Variants in NFATC1 observed in about 807,000 individuals in gnomAD.
NFATC1 encodes nuclear factor of activated T cells 1, also known as nuclear factor of activated T-cells, cytoplasmic 1.
Under a neutral mutation model 76.0 loss-of-function variants are expected in NFATC1, and 22 were observed. The observed-to-expected ratio is 0.29, with a 90% CI of 0.21 to 0.41. NFATC1 has a LOEUF of 0.41. Ranked by LOEUF, NFATC1 falls within the 10% of genes least tolerant of loss-of-function variation. NFATC1 has a pLI of 1.00. For synonymous variants in NFATC1, 704 were observed against 613.1 expected (o/e 1.15, Z -2.19); for missense variants, 1,357 against 1,337.7 (o/e 1.01, Z -0.23).
chr18:79,411,582 C>T (rs888944399), intron 2 of NFATC1, 81 bp downstream of exon 2: 1,295 of 1,035,124 alleles, frequency 1.3e-3, no homozygotes, highest in Non-Finnish European at 1.5e-3. Flanking sequence ...GGACGGGGGG[C>T]GGCGCGGGGC....
intron 3 of NFATC1, among the ~76,000 whole-genome samples, chr18:79,442,793 G>C (rs112711361): frequency 6.6e-6 from 1 of 152,030 alleles, no homozygotes; most frequent in Admixed American, 6.5e-5. Flanking sequence ...GCCCCAGCCC[G>C]GAGCTCAGCT....
Position 79,425,293 on chromosome 18 carries a change from CTT to C in NFATC1, c.1227-8285_1227-8284del, listed in dbSNP as rs757396483. The stretch of plus-strand genomic sequence containing the variant: ...TCTCTCTCTCTGTCTGTCTTTCTTT[CTT>C]ACTCTCTTTCTCTTTTAACTAAGGG... On this transcript the variant is annotated intron_variant, in intron 2 of 9. Coordinates refer to ENST00000427363, the MANE Select transcript of NFATC1 (RefSeq NM_001278669.2). Among the ~76,000 whole-genome samples, 47 of 124,706 alleles carry C rather than the reference CTT, an allele frequency of 3.8e-4. 5 individuals are homozygous for C. The highest frequency in any genetic ancestry group is 4.8e-4 in the Non-Finnish European group (26 of 53,794). The allele number at this position is 124,706 out of a possible 152,430, so 81.8% of individuals were successfully genotyped here.
At chr18:79,444,529 T>G (rs1204849208) in intron 3 of NFATC1, among the ~76,000 whole-genome samples, 3 of 151,866 alleles carry the variant, frequency 2.0e-5, no homozygotes, top group Non-Finnish European at 4.4e-5. Context: ...TCAGGCCCTT[T>G]CCCGCATCTG....
chr18:79,401,598 C>G (rs922840553), intron 1 of NFATC1, among the ~76,000 whole-genome samples: 1 of 152,222 alleles, frequency 6.6e-6, no homozygotes. Context: ...CAGTCCTCCC[C>G]GGCTTGAGCC....
intron 2 of NFATC1, among the ~76,000 whole-genome samples, chr18:79,425,115 C>T (rs115438246): frequency 0.021 from 3,101 of 149,718 alleles, 106 homozygotes; most frequent in African/African-American, 0.059. Context: ...CTGTCTCTGT[C>T]GCTCTGTCTC....
intron 8 of NFATC1, among the ~76,000 whole-genome samples, chr18:79,472,693 G>C (rs1325676463): frequency 6.6e-6 from 1 of 152,094 alleles, no homozygotes; most frequent in Non-Finnish European, 1.5e-5. Context: ...CCTGAGCTCG[G>C]CTCTCACTGC....
At chr18:79,447,953 G>C (rs1266369178) in intron 3 of NFATC1, among the ~76,000 whole-genome samples, 1 of 152,236 alleles carries the variant, frequency 6.6e-6, no homozygotes, top group Non-Finnish European at 1.5e-5. Flanking sequence ...AGCTGGTCCT[G>C]AACATGTGTG....
At chr18:79,428,058 C>T (rs1341374608) in intron 2 of NFATC1, among the ~76,000 whole-genome samples, 1 of 134,728 alleles carries the variant, frequency 7.4e-6, no homozygotes, top group African/African-American at 2.9e-5. Context: ...GATGACTGGC[C>T]TCTATGCAGT....
At chr18:79,433,331 C>A (rs1332554256) in intron 2 of NFATC1, among the ~76,000 whole-genome samples, 1 of 152,168 alleles carries the variant, frequency 6.6e-6, no homozygotes, top group Non-Finnish European at 1.5e-5. Context: ...AGAAGCCTGT[C>A]ATGAAGGAAG....
intron 3 of NFATC1, among the ~76,000 whole-genome samples, chr18:79,436,737 G>A (rs910800528): frequency 4.6e-5 from 7 of 151,940 alleles, no homozygotes; most frequent in African/African-American, 1.7e-4. Context: ...GCGTGAGGGG[G>A]TCCGGCATCC....
intron 2 of NFATC1, among the ~76,000 whole-genome samples, chr18:79,426,670 C>G (rs1414986193): frequency 2.0e-5 from 3 of 152,200 alleles, no homozygotes; most frequent in Non-Finnish European, 4.4e-5. Context: ...AAGCCCGGAC[C>G]CCCCTGTGAC....
chr18:79,486,552 C>T lies in NFATC1; in HGVS notation c.2397C>T (p.Ala799=), dbSNP rs370564249. The change falls in exon 9 of 10, where the codon GCC becomes GCT. Residue 799 remains alanine (A), a synonymous_variant. Transcript: ENST00000427363. ...GLPQPAGEAP[A]VQDVPRPVAT... ...CGCAGCCGGCCGGAGAGGCCCCCGCCGTCCAGGACGTGCCCAGGCCAGTGG... is the reference window on the plus strand; with the variant it reads ...CGCAGCCGGCCGGAGAGGCCCCCGCTGTCCAGGACGTGCCCAGGCCAGTGG... 2.1e-5 allele frequency: 34 copies of T among 1,594,142 alleles called. No individual in the cohort carries two copies. Among genetic ancestry groups the T allele is most frequent in the Middle Eastern group, 1.7e-4 (1 of 6,040 alleles).
At chr18:79,424,434 G>T (rs528896258) in intron 2 of NFATC1, among the ~76,000 whole-genome samples, 4 of 152,242 alleles carry the variant, frequency 2.6e-5, no homozygotes, top group Non-Finnish European at 4.4e-5. Context: ...AAGACCCAGA[G>T]GCTGCCTCAC....
At position 79,448,777 on chromosome 18, in the gene NFATC1, G is replaced by A. The variant is rs771392646; in HGVS notation, c.1387-5G>A. 35 of 1,612,270 alleles carry A rather than the reference G, an allele frequency of 2.2e-5. No individual in the cohort carries two copies. Among genetic ancestry groups the A allele is most frequent in the African/African-American group, 9.3e-5 (7 of 74,924 alleles). ...CTGAGCAGGTGTTTTCTGTTCTCTCGCCAGCTGCATGGCTACTTGGAGAAT... is the reference window on the plus strand; with the variant it reads ...CTGAGCAGGTGTTTTCTGTTCTCTCACCAGCTGCATGGCTACTTGGAGAAT... On this transcript the variant is annotated splice_polypyrimidine_tract_variant and splice_region_variant and intron_variant, in intron 3 of 9. Transcript: ENST00000427363.
At position 79,448,984 on chromosome 18, in the gene NFATC1, T is replaced by C. The variant is rs2087339508; in HGVS notation, c.1589T>C (p.Val530Ala). 4.3e-6 allele frequency: 7 copies of C among 1,612,894 alleles called. No individual in the cohort carries two copies. Among genetic ancestry groups the C allele is most frequent in the Non-Finnish European group, 5.9e-6 (7 of 1,179,902 alleles). The change falls in exon 4 of 10, where the codon GTC becomes GCC. Residue 530 changes from valine to alanine, a missense_variant and splice_region_variant. Val to Ala is a moderately conservative substitution (Grantham distance 64). Around this residue, in one of 3 missense-constraint regions of NFATC1, gnomAD observed 242 missense variants for 329.2 expected, o/e 0.74. Coordinates refer to ENST00000427363, the MANE Select transcript of NFATC1 (RefSeq NM_001278669.2). The stretch of plus-strand genomic sequence containing the variant: ...CTGCCGGAGAACAGCATGCGAGCCG[T>C]GTAAGCCGCGGGGGACCTCCGGCCT... Reference protein sequence around the residue: ...PLLPENSMRAVIDCAGILKLR... With the variant: ...PLLPENSMRAAIDCAGILKLR...
rs1001909163 is a variant in NFATC1, at chr18:79,423,562, C to T, written c.1227-10017C>T. Among the ~76,000 whole-genome samples, 7 of 152,312 alleles carry T rather than the reference C, an allele frequency of 4.6e-5. No homozygotes were observed. The South Asian group carries it at 1.5e-3, about 32-fold the overall frequency. On this transcript the variant is annotated intron_variant, in intron 2 of 9. Coordinates refer to ENST00000427363, the MANE Select transcript of NFATC1 (RefSeq NM_001278669.2). ...GGAACTGTGGGTAGGCCATGGGCCGCTGGTGCCTGCACCACTGTCCTGGTG... is the reference window on the plus strand; with the variant it reads ...GGAACTGTGGGTAGGCCATGGGCCGTTGGTGCCTGCACCACTGTCCTGGTG...
At chr18:79,513,411 C>A (rs2090306809) in intron 9 of NFATC1, among the ~76,000 whole-genome samples, 1 of 152,234 alleles carries the variant, frequency 6.6e-6, no homozygotes. Context: ...CGCCTCCCAC[C>A]CACCTTCCCA....
chr18:79,506,755 A>G (rs2090128752), intron 9 of NFATC1, among the ~76,000 whole-genome samples: 1 of 152,132 alleles, frequency 6.6e-6, no homozygotes, highest in Non-Finnish European at 1.5e-5. Context: ...AGAAACACAG[A>G]CGGGAGCATG....
At chr18:79,431,953 G>A (rs538636758) in intron 2 of NFATC1, among the ~76,000 whole-genome samples, 3 of 152,292 alleles carry the variant, frequency 2.0e-5, no homozygotes, top group African/African-American at 7.2e-5. Flanking sequence ...CACCCGCCTC[G>A]GCCTCCCCGA....
Sources: gnomAD v4.1 joint callset for allele counts (sites outside exome capture counted in the v4.1 genomes callset) on GRCh38, gnomAD v4.1.1 for gene constraint, gnomAD v4.1.1 regional missense constraint, MANE v1.5 for transcripts, NCBI Gene and HGNC (gene_info 2026-07-23, HGNC 2026-07-21) for gene names.